SGCD: variants seen among roughly 807,000 people sequenced by gnomAD.
SGCD encodes the protein delta-sarcoglycan.
Under a neutral mutation model 36.6 loss-of-function variants are expected in SGCD, and 18 were observed. The ratio of observed to expected loss-of-function variants is 0.49; its 90% confidence interval spans 0.34 to 0.73. The LOEUF (loss-of-function observed/expected upper bound fraction) is 0.73, where lower values mean the gene tolerates loss of function less well. SGCD is among the 30% of genes least tolerant of loss of function. The pLI is 0.01. For missense variants in SGCD, 387 were observed against 346.7 expected, an observed-to-expected ratio of 1.12 and a Z score of -0.92; for synonymous variants, 133 against 130.6, an observed-to-expected ratio of 1.02 and a Z score of -0.12.
chr5:156,069,765 G>C (rs539124639), intron 1 of SGCD, among the ~76,000 whole-genome samples: 2 of 92,376 alleles, frequency 2.2e-5, no homozygotes, highest in East Asian at 3.9e-4. Context: ...AGCATGGAAT[G>C]AAAATGTTCT....
intron 4 of SGCD, among the ~76,000 whole-genome samples, chr5:156,528,827 A>G (rs1757754353): frequency 1.3e-5 from 2 of 152,192 alleles, no homozygotes; most frequent in Non-Finnish European, 2.9e-5. Context: ...ATAGAACAAA[A>G]TTAGCATTTC....
intron 1 of SGCD, among the ~76,000 whole-genome samples, chr5:155,936,448 C>T (rs1757204175): frequency 6.6e-6 from 1 of 152,150 alleles, no homozygotes; most frequent in Admixed American, 6.5e-5. Context: ...TAGCTCCTCT[C>T]CATAGCTGGT....
intron 3 of SGCD, among the ~76,000 whole-genome samples, chr5:156,305,269 C>G (rs1027462212): frequency 2.6e-5 from 4 of 152,098 alleles, no homozygotes; most frequent in Non-Finnish European, 5.9e-5. Context: ...TGGGCTGGGA[C>G]CAGGGTGTCT....
At chr5:155,919,124 G>A (rs531125246) in intron 1 of SGCD, among the ~76,000 whole-genome samples, 63 of 152,316 alleles carry the variant, frequency 4.1e-4, no homozygotes, top group Admixed American at 5.9e-4. Flanking sequence ...GACAGGCATC[G>A]AGAAAACTAA....
chr5:156,172,238 G>A (rs144780846), intron 3 of SGCD, among the ~76,000 whole-genome samples: 1,648 of 152,286 alleles, frequency 0.011, 38 homozygotes, highest in African/African-American at 0.038. Context: ...AGCTGAGATT[G>A]AGCCATTGCA....
chr5:156,238,289 A>T (rs1013745764), intron 3 of SGCD, among the ~76,000 whole-genome samples: 14 of 152,184 alleles, frequency 9.2e-5, no homozygotes, highest in African/African-American at 3.1e-4. Flanking sequence ...TTGATTTTAT[A>T]CTTTTGTTTT....
At chr5:155,765,837 C>G in the SGCD span, among the ~76,000 whole-genome samples, 4 of 152,096 alleles carry the variant, frequency 2.6e-5, no homozygotes, top group Admixed American at 1.3e-4. Flanking sequence ...TTGGTGGTAC[C>G]TCCTGGGAAG....
chr5:155,780,854 A>C, the SGCD span, among the ~76,000 whole-genome samples: 1 of 152,202 alleles, frequency 6.6e-6, no homozygotes, highest in Non-Finnish European at 1.5e-5. Context: ...GAGAAATATA[A>C]CACTCTATGA....
chr5:155,985,426 CGTCCTCTAAT>C (rs1758311731), intron 1 of SGCD, among the ~76,000 whole-genome samples: 1 of 152,162 alleles, frequency 6.6e-6, no homozygotes, highest in African/African-American at 2.4e-5. Flanking sequence ...CCTTCTGCGT[CGTCCTCTAAT>C]TTCCTCTTCT....
At chr5:156,491,620 CAT>C (rs938286987) in intron 3 of SGCD, among the ~76,000 whole-genome samples, 4 of 151,972 alleles carry the variant, frequency 2.6e-5, no homozygotes, top group African/African-American at 9.7e-5. Flanking sequence ...TTTTTAAAAA[CAT>C]AAACATAAAT....
At chr5:156,492,758 C>T (rs1203982151) in intron 3 of SGCD, among the ~76,000 whole-genome samples, 5 of 152,134 alleles carry the variant, frequency 3.3e-5, no homozygotes, top group Admixed American at 3.3e-4. Flanking sequence ...GTTCCCCTCC[C>T]TGTGTCCATG....
chr5:156,179,620 C>CTT (rs570830321), intron 3 of SGCD, among the ~76,000 whole-genome samples: 1,992 of 135,410 alleles, frequency 0.015, 63 homozygotes, highest in African/African-American at 0.052. Context: ...AATTTTCCAA[C>CTT]TTTTTTTTTT....
At chr5:156,330,818 A>G (rs1768035010) in intron 2 of SGCD, among the ~76,000 whole-genome samples, 1 of 152,174 alleles carries the variant, frequency 6.6e-6, no homozygotes, top group South Asian at 2.1e-4. Flanking sequence ...AAGTGGTTAT[A>G]TTGTGAACTG....
rs1314385796 is a variant in SGCD, at chr5:156,369,671, T to C, written c.192+24994T>C. ...GGCATTTGATAGTAATTAAGAAAGG[T>C]AGGGGAGAGAGTTAGATTTTAAATC... On this transcript the variant is annotated intron_variant, in intron 3 of 8. Coordinates refer to ENST00000337851, the MANE Select transcript of SGCD (RefSeq NM_000337.6). Among the ~76,000 whole-genome samples the C allele has an allele frequency of 2.0e-5, 3 of 152,266 alleles. No homozygotes were observed. The East Asian group carries it at 5.8e-4, about 29-fold the overall frequency.
intron 1 of SGCD, among the ~76,000 whole-genome samples, chr5:155,917,841 T>A (rs2113369262): frequency 6.6e-6 from 1 of 152,236 alleles, no homozygotes; most frequent in East Asian, 1.9e-4. Flanking sequence ...TAAGAGCTAT[T>A]CTAATGTGAC....
chr5:156,267,044 C>T (rs1766015228), intron 3 of SGCD, among the ~76,000 whole-genome samples: 2 of 152,098 alleles, frequency 1.3e-5, no homozygotes, highest in Admixed American at 1.3e-4. Context: ...GTTCTAGATC[C>T]AGCTCTGTCA....
intron 7 of SGCD, among the ~76,000 whole-genome samples, chr5:156,692,505 A>G (rs1754155388): frequency 6.6e-6 from 1 of 152,198 alleles, no homozygotes. Flanking sequence ...AATTTTAAAC[A>G]TATACAAAAG....
At chr5:155,758,326 G>A in the SGCD span, among the ~76,000 whole-genome samples, 46 of 152,200 alleles carry the variant, frequency 3.0e-4, no homozygotes, top group Non-Finnish European at 3.5e-4. Context: ...TGTTAGCTCT[G>A]CAGATGTATG....
the SGCD span, among the ~76,000 whole-genome samples, chr5:155,846,287 T>TAG: frequency 2.0e-5 from 3 of 152,248 alleles, no homozygotes; most frequent in African/African-American, 7.2e-5. Context: ...CCTCTTGACT[T>TAG]ACTGCCCATA....
Sources: gnomAD v4.1 joint callset for allele counts (sites outside exome capture counted in the v4.1 genomes callset) on GRCh38, gnomAD v4.1.1 for gene constraint, MANE v1.5 for transcripts, NCBI Gene and HGNC (gene_info 2026-07-23, HGNC 2026-07-21) for gene names.